The following LPCAT3 variants were observed in gnomAD, a reference collection of about 807,000 sequenced individuals.
LPCAT3 encodes lysophosphatidylcholine acyltransferase 3, also known as lysophospholipid acyltransferase 5.
In LPCAT3, 21 loss-of-function variants were observed where a neutral mutation model predicts 63.4. The observed-to-expected ratio is 0.33, with a 90% CI of 0.23 to 0.48. The LOEUF (loss-of-function observed/expected upper bound fraction) is 0.48, where lower values mean the gene tolerates loss of function less well. Among genes scored for constraint, LPCAT3 ranks in the 20% least tolerant of loss-of-function variants. The pLI is 0.99. For missense variants in LPCAT3, 451 were observed against 590.6 expected (o/e 0.76, Z 2.45); for synonymous variants, 242 against 227.5 (o/e 1.06, Z -0.58).
rs1946490762 is a variant in LPCAT3 at position 6,983,451 on chromosome 12, T to C, written c.240A>G (p.Ser80=). Residue 80 remains serine, a synonymous_variant, in exon 2 of 13, where the codon TCA becomes TCG. Coordinates refer to ENST00000261407, the MANE Select transcript of LPCAT3 (RefSeq NM_005768.6). ...IHLFHTFTGL[S]IAYFNFGNQL... The stretch of plus-strand genomic sequence containing the variant: ...ACTCACCAAAGTTAAAATAAGCAAT[T>C]GAGAGGCCTGTAAAGGTATGGAAGA... The C allele has an allele frequency of 6.2e-7, 1 of 1,606,956 alleles. No individual in the cohort carries two copies. Among genetic ancestry groups the C allele is most frequent in the South Asian group, 1.1e-5 (1 of 90,834 alleles).
chr12:6,990,386 G>C (rs1056034798), intron 1 of LPCAT3, among the ~76,000 whole-genome samples: 1 of 150,056 alleles, frequency 6.7e-6, no homozygotes, highest in Non-Finnish European at 1.5e-5. Flanking sequence ...GCGGGCACCT[G>C]TAGCCCCAGC....
At chr12:7,007,119 C>T (rs1266015872) in intron 1 of LPCAT3, among the ~76,000 whole-genome samples, 10 of 152,074 alleles carry the variant, frequency 6.6e-5, no homozygotes, top group Admixed American at 6.6e-4. Flanking sequence ...TCTCGGCTCA[C>T]TGCAACCTCT....
intron 1 of LPCAT3, among the ~76,000 whole-genome samples, chr12:6,984,283 G>T (rs1346230389): frequency 6.6e-6 from 1 of 152,194 alleles, no homozygotes; most frequent in Non-Finnish European, 1.5e-5. Context: ...GAACCACAGA[G>T]GATCTTCTGA....
At chr12:7,004,826 T>C (rs781794544) in intron 1 of LPCAT3, among the ~76,000 whole-genome samples, 14 of 152,228 alleles carry the variant, frequency 9.2e-5, no homozygotes, top group Non-Finnish European at 1.9e-4. Flanking sequence ...ATCTATAAGA[T>C]GAAAGCTAAC....
intron 1 of LPCAT3, among the ~76,000 whole-genome samples, chr12:7,016,992 A>G (rs1555157669): frequency 6.6e-6 from 1 of 152,224 alleles, no homozygotes; most frequent in East Asian, 1.9e-4. Context: ...ATATGAATTA[A>G]TGCCTATCCC....
chr12:6,989,669 A>AG, intron 1 of LPCAT3, among the ~76,000 whole-genome samples: 2 of 152,104 alleles, frequency 1.3e-5, no homozygotes, highest in Non-Finnish European at 2.9e-5. Context: ...GGTTGTAGTC[A>AG]AGCACAGGGA....
intron 1 of LPCAT3, 131 bp from the exon 2 acceptor site, chr12:6,983,670 T>C (rs1485796628): frequency 6.3e-6 from 4 of 633,188 alleles, no homozygotes; most frequent in African/African-American, 1.9e-5. Flanking sequence ...ATTATATGGA[T>C]GGCAACAGAG....
At chr12:7,000,770 G>A (rs367580708) in intron 1 of LPCAT3, among the ~76,000 whole-genome samples, 4 of 151,170 alleles carry the variant, frequency 2.6e-5, no homozygotes, top group Non-Finnish European at 4.4e-5. Flanking sequence ...GCAGTGGCGC[G>A]ATCTCGGCTC....
chr12:7,002,780 G>A (rs1555156600), intron 1 of LPCAT3, among the ~76,000 whole-genome samples: 1 of 152,224 alleles, frequency 6.6e-6, no homozygotes, highest in Non-Finnish European at 1.5e-5. Context: ...GGAGGCTGAG[G>A]TGGGTGGATC....
At chr12:6,980,852 C>T in intron 6 of LPCAT3, 152 bp downstream of exon 6, 1 of 618,368 alleles carries the variant, frequency 1.6e-6, no homozygotes, top group Non-Finnish European at 2.6e-6. Context: ...AAAGGGCCCA[C>T]TCCTGGCACA....
intron 1 of LPCAT3, among the ~76,000 whole-genome samples, chr12:7,004,246 T>C (rs1461234500): frequency 6.6e-6 from 1 of 152,218 alleles, no homozygotes; most frequent in Non-Finnish European, 1.5e-5. Context: ...GGACTGTTAC[T>C]TCATAGTTTA....
Position 6,977,043 on chromosome 12 carries a change from C to T in LPCAT3, c.*12+91G>A, listed in dbSNP as rs1206797756. 3 of 819,684 alleles carry T rather than the reference C, an allele frequency of 3.7e-6. No individual in the cohort carries two copies. The highest frequency in any genetic ancestry group is 4.9e-5 in the East Asian group (2 of 40,964). The allele number at this position is 819,684 out of a possible 1,614,324, so 50.8% of individuals were successfully genotyped here. ...AGTAGCCAGGCTAATCCTTGGAATTCACCCCAGATTTCTAATACTATTGTT... is the reference window on the plus strand; with the variant it reads ...AGTAGCCAGGCTAATCCTTGGAATTTACCCCAGATTTCTAATACTATTGTT... On this transcript the variant is annotated intron_variant, in intron 12 of 12. Transcript: ENST00000261407. This position sits in a 1 kb window ranked among gnomAD's most constrained non-coding sequence, Gnocchi z 4.5.
At chr12:6,983,640 A>AG (rs1946493763) in intron 1 of LPCAT3, 101 bp from the exon 2 acceptor site, 1 of 717,302 alleles carries the variant, frequency 1.4e-6, no homozygotes, top group African/African-American at 1.8e-5. Flanking sequence ...AGAGGGAGAG[A>AG]GAAAAAAAAA....
intron 1 of LPCAT3, among the ~76,000 whole-genome samples, chr12:6,984,457 C>G (rs1946502048): frequency 6.6e-6 from 1 of 152,200 alleles, no homozygotes; most frequent in South Asian, 2.1e-4. Context: ...TGGCAACATC[C>G]CCACTGCACT....
At chr12:6,994,070 CAA>C (rs1946613425) in intron 1 of LPCAT3, among the ~76,000 whole-genome samples, 1 of 152,248 alleles carries the variant, frequency 6.6e-6, no homozygotes, top group South Asian at 2.1e-4. Context: ...CTCCTGGCCT[CAA>C]ATGATCCTCC....
intron 7 of LPCAT3, 178 bp downstream of exon 7, chr12:6,979,293 G>T (rs1946445143): frequency 1.6e-6 from 1 of 617,338 alleles, no homozygotes; most frequent in Admixed American, 2.7e-5. Context: ...AGGTTGTTCA[G>T]TGCTGGCTGA....
rs781999278 is a variant in LPCAT3, at chr12:6,981,201, G to A, written c.499-19C>T. 1.1e-3 allele frequency: 1,784 copies of A among 1,592,162 alleles called. 27 individuals carry two copies. In the South Asian group the frequency reaches 0.019, roughly 17 times the overall value. On this transcript the variant is annotated intron_variant, in intron 5 of 12. Coordinates refer to ENST00000261407, the MANE Select transcript of LPCAT3 (RefSeq NM_005768.6). ...AGGAATTCTATGCCAAGAAGAGAAT[G>A]CATGGTTCAGGATAGCCTTGAATCT...
chr12:7,004,630 T>C (rs1946713703), intron 1 of LPCAT3, among the ~76,000 whole-genome samples: 1 of 152,236 alleles, frequency 6.6e-6, no homozygotes, highest in African/African-American at 2.4e-5. Flanking sequence ...ATCCCATACA[T>C]ATGTGTATAC....
At chr12:6,978,264 G>A in intron 9 of LPCAT3, 77 bp downstream of exon 9, 1 of 1,488,214 alleles carries the variant, frequency 6.7e-7, no homozygotes, top group South Asian at 1.3e-5. Context: ...GGGGTGACAT[G>A]GTACACCCCT....
Sources: allele counts gnomAD v4.1 joint callset (sites outside exome capture counted in the v4.1 genomes callset), GRCh38; gene constraint gnomAD v4.1.1; non-coding constraint Gnocchi (gnomAD v3.1); transcripts MANE v1.5; gene names NCBI Gene and HGNC (gene_info 2026-07-23, HGNC 2026-07-21).